MYH11: variants seen among roughly 807,000 people sequenced by gnomAD.
MYH11 encodes myosin-11.
Under a neutral mutation model 246.6 loss-of-function variants are expected in MYH11, and 80 were observed. That is an observed-to-expected ratio of 0.32 (90% confidence interval 0.27 to 0.39). The LOEUF is 0.39. MYH11 is among the 10% of genes least tolerant of loss of function. The pLI, the probability that MYH11 is intolerant of heterozygous loss-of-function variation, is 1.00. For synonymous variants in MYH11, 1,071 were observed against 1,015.5 expected (o/e 1.05, Z -1.04); for missense variants, 2,158 against 2,546.8 (o/e 0.85, Z 3.29).
At chr16:15,849,777 G>A (rs1382403251) in intron 1 of MYH11, among the ~76,000 whole-genome samples, 5 of 152,124 alleles carry the variant, frequency 3.3e-5, no homozygotes, top group African/African-American at 1.2e-4. Context: ...GCACAAACAA[G>A]CTAATCATTA....
chr16:15,845,466 G>A lies in MYH11; in HGVS notation c.-17-7197C>T, dbSNP rs999390613. ...TTCTATACCCTTTCTCACTTCCGGT[G>A]ACTCTAAGCCACTTCGCTCATTCCT... is the stretch of plus-strand genomic sequence containing the variant. On this transcript the variant is annotated intron_variant, in intron 1 of 40. Transcript: ENST00000300036. Among the ~76,000 whole-genome samples, 45 of 152,208 alleles carry A rather than the reference G, an allele frequency of 3.0e-4. 1 individual carries two copies. In the East Asian group the frequency reaches 4.6e-3, roughly 16 times the overall value.
chr16:15,764,521 C>T (rs1425973734), intron 9 of MYH11, among the ~76,000 whole-genome samples: 9 of 152,064 alleles, frequency 5.9e-5, no homozygotes, highest in African/African-American at 1.7e-4. Context: ...ACACAAATAC[C>T]GAACAAAAGA....
intron 1 of MYH11, among the ~76,000 whole-genome samples, chr16:15,850,750 C>G (rs943800148): frequency 2.0e-5 from 3 of 152,040 alleles, no homozygotes; most frequent in Non-Finnish European, 2.9e-5. Flanking sequence ...CAAAAATTAG[C>G]CAGGCATGGC....
At chr16:15,736,937 A>C (rs1038043194) in intron 25 of MYH11, among the ~76,000 whole-genome samples, 2 of 152,118 alleles carry the variant, frequency 1.3e-5, no homozygotes, top group African/African-American at 2.4e-5. Flanking sequence ...AGAGGGAAAA[A>C]CCAGAGGAAA....
intron 8 of MYH11, among the ~76,000 whole-genome samples, chr16:15,772,087 C>CTTTTTT (rs35008322): frequency 4.7e-5 from 5 of 105,954 alleles, no homozygotes; most frequent in South Asian, 3.7e-4. Flanking sequence ...AACCTTTACT[C>CTTTTTT]TTTTTTTTTT....
At chr16:15,754,347 T>C (rs2041656923) in intron 14 of MYH11, among the ~76,000 whole-genome samples, 1 of 152,234 alleles carries the variant, frequency 6.6e-6, no homozygotes, top group Non-Finnish European at 1.5e-5. Flanking sequence ...TTTACATTCC[T>C]GACTCAAACA....
intron 22 of MYH11, among the ~76,000 whole-genome samples, chr16:15,740,652 T>C (rs1374529781): frequency 6.6e-6 from 1 of 151,838 alleles, no homozygotes; most frequent in Non-Finnish European, 1.5e-5. Flanking sequence ...GCTGCTCTGC[T>C]TCATGGAACC....
intron 13 of MYH11, 96 bp from the exon 14 acceptor site, chr16:15,756,610 C>A: frequency 7.9e-7 from 1 of 1,260,002 alleles, no homozygotes; most frequent in South Asian, 1.2e-5. Context: ...TGGGCATCCG[C>A]CGAGATCTGA....
intron 38 of MYH11, 26 bp from the exon 39 acceptor site, chr16:15,715,298 G>A (rs1470029544): frequency 6.2e-7 from 1 of 1,612,600 alleles, no homozygotes; most frequent in Admixed American, 1.7e-5. Flanking sequence ...AAAACAGGTG[G>A]TTTCAGCGGA....
In MYH11 at chr16:15,748,165, C is replaced by A. The variant is rs760793367; in HGVS notation, c.2062G>T (p.Gly688Cys). The A allele has an allele frequency of 6.2e-7, 1 of 1,613,544 alleles. No individual in the cohort carries two copies. The highest frequency in any genetic ancestry group is 1.3e-5 in the African/African-American group (1 of 74,928). The change falls in exon 17 of 41, where the codon GGC becomes TGC. Residue 688 changes from glycine to cysteine, a missense_variant. Coordinates refer to ENST00000300036, the MANE Select transcript of MYH11 (RefSeq NM_002474.3). ...CIIPNHEKRS[G>C]KLDAFLVLEQ... ...AGCACCAGGAACGCATCCAGCTTGC[C>A]GGACTGCAAAGGTCAAAGAGGGCAG...
intron 14 of MYH11, among the ~76,000 whole-genome samples, chr16:15,755,525 G>C (rs1032273447): frequency 6.6e-6 from 1 of 151,982 alleles, no homozygotes; most frequent in East Asian, 1.9e-4. Flanking sequence ...ACAGTGGCTC[G>C]TGCTCATAAT....
At chr16:15,823,551 C>A in intron 2 of MYH11, 140 bp from the exon 3 acceptor site, 1 of 1,078,876 alleles carries the variant, frequency 9.3e-7, no homozygotes, top group South Asian at 1.3e-5. Context: ...CACTGATATT[C>A]CAGGTACGTG....
intron 1 of MYH11, among the ~76,000 whole-genome samples, chr16:15,856,184 A>G (rs2044462181): frequency 6.6e-6 from 1 of 150,598 alleles, no homozygotes; most frequent in South Asian, 2.1e-4. Context: ...CCACCTGGGT[A>G]TCTGGGGGCC....
chr16:15,719,184 T>A, intron 36 of MYH11, 36 bp downstream of exon 36: 1 of 1,599,888 alleles, frequency 6.3e-7, no homozygotes, highest in Non-Finnish European at 8.6e-7. Flanking sequence ...CCCCATCCTC[T>A]GCTTCAGAGC....
At chr16:15,818,948 T>C (rs950118349) in intron 3 of MYH11, among the ~76,000 whole-genome samples, 2 of 152,188 alleles carry the variant, frequency 1.3e-5, no homozygotes, top group African/African-American at 2.4e-5. Context: ...AGCACGATCA[T>C]AGCACACTGC....
At chr16:15,786,753 A>T in intron 4 of MYH11, 21 bp from the exon 5 acceptor site, 1 of 1,600,270 alleles carries the variant, frequency 6.2e-7, no homozygotes. Flanking sequence ...CGGGAACATC[A>T]TCTATGCACA....
chr16:15,731,264 C>A (rs1329259150), intron 27 of MYH11, among the ~76,000 whole-genome samples: 1 of 152,190 alleles, frequency 6.6e-6, no homozygotes, highest in African/African-American at 2.4e-5. Flanking sequence ...ATCCTATAGG[C>A]CTTCAGTCCT....
At chr16:15,725,042 C>T (rs780206041) in intron 28 of MYH11, 50 bp from the exon 29 acceptor site, 23 of 1,514,872 alleles carry the variant, frequency 1.5e-5, no homozygotes, top group African/African-American at 1.2e-4. Flanking sequence ...AGGGGATCCT[C>T]GTTGAAAGGA....
intron 1 of MYH11, 125 bp from the exon 2 acceptor site, chr16:15,838,394 C>A: frequency 1.3e-6 from 1 of 760,726 alleles, no homozygotes; most frequent in Non-Finnish European, 2.3e-6. Flanking sequence ...CAAAGACCTG[C>A]AGTATTGTGT....
Sources: gnomAD v4.1 joint callset for allele counts (sites outside exome capture counted in the v4.1 genomes callset) on GRCh38, gnomAD v4.1.1 for gene constraint, MANE v1.5 for transcripts, NCBI Gene and HGNC (gene_info 2026-07-23, HGNC 2026-07-21) for gene names.